Variants in EHBP1 observed in about 807,000 individuals in gnomAD.
EHBP1 encodes EH domain binding protein 1, also known as EH domain-binding protein 1.
EHBP1 carries 55 observed loss-of-function variants against 144.0 expected under a neutral mutation model. The ratio of observed to expected loss-of-function variants is 0.38; its 90% CI spans 0.31 to 0.48. The LOEUF (loss-of-function observed/expected upper bound fraction) is 0.48. Among genes scored for constraint, EHBP1 ranks in the 20% least tolerant of loss-of-function variants. The pLI is 0.98. For synonymous variants in EHBP1, 469 were observed against 472.7 expected, an observed-to-expected ratio of 0.99 and a Z score of 0.10; for missense variants, 1,200 against 1,364.2, an observed-to-expected ratio of 0.88 and a Z score of 1.90.
Position 62,943,831 on chromosome 2 carries a change from T to C in EHBP1, c.1394T>C (p.Ile465Thr), listed in dbSNP as rs2056912668. Reference protein sequence around the residue: ...IDYKSLNPQDIKENNKKAYDG... With the variant: ...IDYKSLNPQDTKENNKKAYDG... ...TACAAGTCTCTGAATCCTCAAGATA[T>C]TAAAGAGAACAACAAAAAGGTAAGA... Residue 465 changes from isoleucine (I) to threonine (T), a missense_variant, in exon 12 of 23, where the codon ATT (isoleucine) becomes ACT (threonine). Ile to Thr is a moderately conservative substitution (Grantham distance 89). Transcript: ENST00000431489. 5.0e-6 allele frequency: 8 copies of C among 1,605,404 alleles called. No individual in the cohort carries two copies. The highest frequency in any genetic ancestry group is 6.8e-6 in the Non-Finnish European group (8 of 1,174,568).
intron 3 of EHBP1, among the ~76,000 whole-genome samples, chr2:62,755,876 AT>A (rs1417578173): frequency 6.6e-6 from 1 of 152,140 alleles, no homozygotes; most frequent in African/African-American, 2.4e-5. Flanking sequence ...TCTTTTAATA[AT>A]TAGCTTGAAT....
intron 19 of EHBP1, among the ~76,000 whole-genome samples, chr2:62,998,607 G>A (rs931128133): frequency 6.6e-6 from 1 of 151,964 alleles, no homozygotes; most frequent in Admixed American, 6.6e-5. Context: ...ATTTGTTGAG[G>A]GTTCTAACTG....
chr2:62,931,337 C>CATT (rs1326815933), intron 10 of EHBP1, among the ~76,000 whole-genome samples: 6 of 152,110 alleles, frequency 3.9e-5, no homozygotes, highest in African/African-American at 1.4e-4. Flanking sequence ...ATCTCACACC[C>CATT]ATTAGGATGG....
intron 10 of EHBP1, among the ~76,000 whole-genome samples, chr2:62,891,752 A>G (rs1183686145): frequency 6.6e-6 from 1 of 152,140 alleles, no homozygotes; most frequent in East Asian, 1.9e-4. Flanking sequence ...ACTTGCATAT[A>G]GCGAGGCCGT....
chr2:62,996,553 C>G (rs995102407), intron 18 of EHBP1, 90 bp from the exon 19 acceptor site: 7 of 1,536,712 alleles, frequency 4.6e-6, no homozygotes, highest in Non-Finnish European at 6.2e-6. Context: ...ATTTGGTTCT[C>G]TAGGTAAGTG....
chr2:63,026,594 A>T (rs2060995032), intron 19 of EHBP1, among the ~76,000 whole-genome samples: 1 of 152,206 alleles, frequency 6.6e-6, no homozygotes, highest in African/African-American at 2.4e-5. Context: ...CTGGACTTGA[A>T]TGTATCCTGA....
At chr2:63,044,834 G>A (rs2061873013) in intron 21 of EHBP1, 2 of 432,632 alleles carry the variant, frequency 4.6e-6, no homozygotes, top group Non-Finnish European at 8.5e-6. Context: ...GTTCTAAGCA[G>A]GTTCCAACAC....
chr2:62,941,204 C>A (rs560939109), intron 10 of EHBP1, among the ~76,000 whole-genome samples: 58 of 152,270 alleles, frequency 3.8e-4, no homozygotes, highest in African/African-American at 1.3e-3. Flanking sequence ...CTTCACTTTA[C>A]TTCCAGGTTA....
intron 21 of EHBP1, among the ~76,000 whole-genome samples, chr2:63,042,038 G>A (rs567389377): frequency 1.2e-3 from 185 of 152,204 alleles, no homozygotes; most frequent in Non-Finnish European, 2.0e-3. Context: ...GACATAAACA[G>A]AATCTCTTTA....
intron 10 of EHBP1, among the ~76,000 whole-genome samples, chr2:62,904,767 A>C (rs1573989896): frequency 6.6e-6 from 1 of 152,100 alleles, no homozygotes; most frequent in East Asian, 1.9e-4. Flanking sequence ...CTATTACTCT[A>C]ACTTTTTGTT....
chr2:62,953,908 TCA>T (rs2057545089), intron 13 of EHBP1, among the ~76,000 whole-genome samples: 1 of 152,202 alleles, frequency 6.6e-6, no homozygotes, highest in Non-Finnish European at 1.5e-5. Flanking sequence ...GACTATAAAA[TCA>T]CAGAATTTAG....
At chr2:62,990,939 C>A in intron 16 of EHBP1, 99 bp downstream of exon 16, 2 of 1,416,422 alleles carry the variant, frequency 1.4e-6, no homozygotes, top group Non-Finnish European at 9.5e-7. Context: ...CCTAATTTTT[C>A]ACCAATATTA....
At chr2:63,017,489 A>C (rs1052686741) in intron 19 of EHBP1, among the ~76,000 whole-genome samples, 1 of 152,230 alleles carries the variant, frequency 6.6e-6, no homozygotes, top group African/African-American at 2.4e-5. Context: ...GTGAGAATTA[A>C]ATTAGATACT....
At chr2:62,696,964 T>A (rs1049877844) in intron 1 of EHBP1, among the ~76,000 whole-genome samples, 5 of 152,246 alleles carry the variant, frequency 3.3e-5, no homozygotes, top group Non-Finnish European at 2.9e-5. Context: ...TTTTCTTTTT[T>A]AAATTTTTTG....
chr2:62,979,745 C>A (rs532694346), intron 15 of EHBP1, among the ~76,000 whole-genome samples: 1 of 152,208 alleles, frequency 6.6e-6, no homozygotes, highest in Non-Finnish European at 1.5e-5. Flanking sequence ...GTAACTTTAA[C>A]AATATTCTGG....
rs574338889 is a variant in EHBP1, at chr2:62,937,095, A to G, written c.1186-5623A>G. ...TCTTGAAGTTGAAATTGTTTGGGTT[A>G]ATTGCCTTTTTTGAATCAACTAATT... On this transcript the variant is annotated intron_variant, in intron 10 of 22. Transcript: ENST00000431489. 3.3e-5 allele frequency among the ~76,000 whole-genome samples: 5 copies of G among 152,320 alleles called. No individual in the cohort carries two copies. The South Asian group carries it at 1.0e-3, about 32-fold the overall frequency.
At chr2:62,887,834 A>G (rs1050085329) in intron 10 of EHBP1, among the ~76,000 whole-genome samples, 4 of 152,206 alleles carry the variant, frequency 2.6e-5, no homozygotes, top group African/African-American at 7.2e-5. Flanking sequence ...TAGGTACATT[A>G]CAATGCAAAA....
At chr2:62,996,868 C>G in intron 19 of EHBP1, 102 bp downstream of exon 19, 2 of 1,489,488 alleles carry the variant, frequency 1.3e-6, no homozygotes, top group Non-Finnish European at 1.8e-6. Flanking sequence ...GAATGTTCAG[C>G]AAAACTGCCT....
At chr2:62,722,536 C>T (rs747211284) in intron 2 of EHBP1, among the ~76,000 whole-genome samples, 6 of 151,976 alleles carry the variant, frequency 3.9e-5, no homozygotes, top group Non-Finnish European at 7.4e-5. Context: ...ATTCAGATTT[C>T]TCCAATTATC....
Sources: allele counts gnomAD v4.1 joint callset (sites outside exome capture counted in the v4.1 genomes callset), GRCh38; gene constraint gnomAD v4.1.1; transcripts MANE v1.5; gene names NCBI Gene and HGNC (gene_info 2026-07-23, HGNC 2026-07-21).